PCYT1B: variants seen among roughly 807,000 people sequenced by gnomAD.
PCYT1B encodes the protein phosphate cytidylyltransferase 1B, choline, also known as choline-phosphate cytidylyltransferase B.
A neutral mutation model predicts 26.4 loss-of-function variants in PCYT1B; 10 were observed. The observed-to-expected ratio is 0.38, with a 90% CI of 0.23 to 0.64. The LOEUF is 0.64. PCYT1B is among the 30% of genes least tolerant of loss of function. The pLI is 0.56. For missense variants in PCYT1B, 161 were observed against 292.7 expected (o/e 0.55, Z 3.28); for synonymous variants, 131 against 108.4 (o/e 1.21, Z -1.29).
Position 24,558,767 on chromosome X carries a change from C to A in PCYT1B, c.*3526G>T, listed in dbSNP as rs887737698. The A allele has an allele frequency of 1.8e-5, 2 of 109,672 alleles. No homozygotes were observed. The highest frequency in any genetic ancestry group is 6.6e-5 in the African/African-American group (2 of 30,167). The allele number at this position is 109,672 out of a possible 1,213,427, so 9.0% of individuals were successfully genotyped here. Reference sequence around the variant, plus strand: ...TCTTTGCCTTGGTAAGGTCCTGACACACAGGAGCATGCTTGCCAGAAGCAA... The same window carrying A: ...TCTTTGCCTTGGTAAGGTCCTGACAAACAGGAGCATGCTTGCCAGAAGCAA... On this transcript the variant is annotated 3_prime_UTR_variant, in exon 8 of 8. Transcript: ENST00000379144.
chrX:24,665,584 C>T (rs1399993875), intron 1 of PCYT1B, among the ~76,000 whole-genome samples: 2 of 111,330 alleles, frequency 1.8e-5, no homozygotes, highest in East Asian at 5.6e-4. Flanking sequence ...AGCCACCGCG[C>T]CTGGCCCCAT....
chrX:24,633,228 A>G (rs768107750), intron 1 of PCYT1B, among the ~76,000 whole-genome samples: 1 of 107,781 alleles, frequency 9.3e-6, no homozygotes, highest in African/African-American at 3.4e-5. Flanking sequence ...AAAAAAAAAA[A>G]AAAAAGCTAG....
chrX:24,670,117 G>GAAAGAAAGA (rs1569261924), intron 1 of PCYT1B, among the ~76,000 whole-genome samples: 17 of 74,713 alleles, frequency 2.3e-4, no homozygotes, highest in African/African-American at 6.6e-4. Context: ...AGAAAGAAAG[G>GAAAGAAAGA]AAGGAAGGAA....
intron 3 of PCYT1B, among the ~76,000 whole-genome samples, chrX:24,595,584 A>T (rs1276288848): frequency 9.0e-6 from 1 of 111,432 alleles, no homozygotes; most frequent in African/African-American, 3.3e-5. Flanking sequence ...AGAGCCCAGT[A>T]AAGTCTGAGA....
chrX:24,585,614 T>C (rs917621970), intron 5 of PCYT1B, among the ~76,000 whole-genome samples: 10 of 110,926 alleles, frequency 9.0e-5, no homozygotes, highest in African/African-American at 3.3e-4. Context: ...TAAGTGGGGC[T>C]GATGGCTAAG....
At chrX:24,617,405 T>C (rs764902120) in intron 2 of PCYT1B, among the ~76,000 whole-genome samples, 1 of 102,868 alleles carries the variant, frequency 9.7e-6, no homozygotes, top group East Asian at 3.0e-4. Context: ...CAATGGCAAC[T>C]AGAAACCATA....
chrX:24,564,920 C>A (rs1007794351), intron 7 of PCYT1B, among the ~76,000 whole-genome samples: 2 of 110,441 alleles, frequency 1.8e-5, no homozygotes, highest in African/African-American at 6.6e-5. Context: ...GTGGGAGGAA[C>A]GGGAATCAAG....
At chrX:24,604,753 C>A (rs759922409) in intron 3 of PCYT1B, among the ~76,000 whole-genome samples, 51 of 111,687 alleles carry the variant, frequency 4.6e-4, no homozygotes, top group African/African-American at 1.4e-3. Flanking sequence ...TCCCAGAAGT[C>A]TACATACTAT....
chrX:24,657,264 T>G (rs1382391847), intron 1 of PCYT1B, among the ~76,000 whole-genome samples: 1 of 112,018 alleles, frequency 8.9e-6, no homozygotes, highest in Non-Finnish European at 1.9e-5. Context: ...CCATGTAAAT[T>G]TTGGTCCCTT....
intron 3 of PCYT1B, among the ~76,000 whole-genome samples, chrX:24,606,457 C>T (rs145678029): frequency 1.4e-4 from 16 of 112,451 alleles, no homozygotes; most frequent in African/African-American, 5.2e-4. Flanking sequence ...GCATGACTTG[C>T]CCAGTAACCA....
intron 1 of PCYT1B, among the ~76,000 whole-genome samples, chrX:24,624,070 T>G (rs61760942): frequency 1.9e-5 from 2 of 106,528 alleles, no homozygotes; most frequent in Non-Finnish European, 3.9e-5. Context: ...CCCGGGTTCA[T>G]GCCATTCTCC....
At chrX:24,629,561 A>C (rs1430123844) in intron 1 of PCYT1B, among the ~76,000 whole-genome samples, 1 of 75,275 alleles carries the variant, frequency 1.3e-5, no homozygotes, top group Non-Finnish European at 2.3e-5. Context: ...CCCTGTCTCA[A>C]AAAAAAAAAA....
chrX:24,670,118 AAGG>A (rs1927224698), intron 1 of PCYT1B, among the ~76,000 whole-genome samples: 70 of 99,599 alleles, frequency 7.0e-4, no homozygotes, highest in African/African-American at 2.5e-3. Flanking sequence ...GAAAGAAAGG[AAGG>A]AAGGAAGGAA....
At chrX:24,614,390 G>C (rs1182083573) in intron 2 of PCYT1B, among the ~76,000 whole-genome samples, 3 of 111,405 alleles carry the variant, frequency 2.7e-5, no homozygotes, top group Non-Finnish European at 5.7e-5. Context: ...GATGGTAAGA[G>C]AGTCCAGTTA....
intron 6 of PCYT1B, among the ~76,000 whole-genome samples, chrX:24,577,950 T>TTTA (rs924808922): frequency 2.7e-5 from 3 of 110,864 alleles, no homozygotes; most frequent in East Asian, 5.6e-4. Context: ...AAAGATTGTT[T>TTTA]TTATTATTAT....
At chrX:24,585,442 C>T (rs1924339272) in intron 5 of PCYT1B, among the ~76,000 whole-genome samples, 3 of 111,522 alleles carry the variant, frequency 2.7e-5, no homozygotes, top group African/African-American at 9.8e-5. Context: ...GGAAGGAAGC[C>T]AAGATTTAAG....
At chrX:24,597,618 G>A (rs1924830070) in intron 3 of PCYT1B, among the ~76,000 whole-genome samples, 1 of 112,114 alleles carries the variant, frequency 8.9e-6, no homozygotes, top group African/African-American at 3.2e-5. Context: ...GGTGGAGGGC[G>A]ATTTAGCCTT....
intron 1 of PCYT1B, among the ~76,000 whole-genome samples, chrX:24,630,450 C>T (rs1229209248): frequency 1.8e-5 from 2 of 110,711 alleles, no homozygotes; most frequent in African/African-American, 6.6e-5. Context: ...TGCCCACCAC[C>T]ACGCCCGGCT....
upstream of PCYT1B, among the ~76,000 whole-genome samples, chrX:24,651,466 AAAAAAAATATATATATATATATATATAT>A (rs1926766293): frequency 3.5e-5 from 1 of 28,635 alleles, no homozygotes; most frequent in African/African-American, 1.3e-4. Flanking sequence ...AAAAAAAAAA[AAAAAAAATATATATATATATATATATAT>A]ATATATATAT....
Sources: allele counts gnomAD v4.1 joint callset (sites outside exome capture counted in the v4.1 genomes callset), GRCh38; gene constraint gnomAD v4.1.1; transcripts MANE v1.5; gene names NCBI Gene and HGNC (gene_info 2026-07-23, HGNC 2026-07-21).